The following GRID2 variants were observed in gnomAD, a reference collection of about 807,000 sequenced individuals.
The protein encoded by GRID2 is glutamate receptor ionotropic, delta-2.
Under a neutral mutation model 114.8 loss-of-function variants are expected in GRID2, and 33 were observed. The ratio of observed to expected loss-of-function variants is 0.29; its 90% CI spans 0.22 to 0.38. The LOEUF (loss-of-function observed/expected upper bound fraction) is 0.38. Among genes scored for constraint, GRID2 ranks in the 10% least tolerant of loss-of-function variants. The probability of loss-of-function intolerance (pLI) is 1.00; values close to 1 mark genes in which losing one functional copy is unlikely to be tolerated. For missense variants in GRID2, 1,184 were observed against 1,257.7 expected, an observed-to-expected ratio of 0.94 and a Z score of 0.89; for synonymous variants, 505 against 449.9, an observed-to-expected ratio of 1.12 and a Z score of -1.55.
At chr4:93,016,959 G>C (rs1467284551) in intron 2 of GRID2, among the ~76,000 whole-genome samples, 2 of 152,040 alleles carry the variant, frequency 1.3e-5, no homozygotes, top group African/African-American at 4.8e-5. Context: ...CTTCTGTCAC[G>C]TTTTGGGGTA....
intron 1 of GRID2, among the ~76,000 whole-genome samples, chr4:92,588,755 T>C (rs1728576381): frequency 6.7e-6 from 1 of 149,306 alleles, no homozygotes; most frequent in Admixed American, 6.7e-5. Context: ...ATTCAAAATA[T>C]ATAGGAAACA....
chr4:92,850,944 A>G (rs1743735987), intron 2 of GRID2, among the ~76,000 whole-genome samples: 1 of 151,932 alleles, frequency 6.6e-6, no homozygotes, highest in Non-Finnish European at 1.5e-5. Context: ...AGGCATTAAA[A>G]TCATTTCATT....
intron 3 of GRID2, among the ~76,000 whole-genome samples, chr4:93,088,795 G>A (rs777523123): frequency 9.9e-5 from 15 of 152,002 alleles, no homozygotes; most frequent in Non-Finnish European, 1.9e-4. Context: ...TTACAAATAG[G>A]GAGACAGGAA....
chr4:92,759,776 C>T (rs1000568316), intron 2 of GRID2, among the ~76,000 whole-genome samples: 9 of 149,924 alleles, frequency 6.0e-5, no homozygotes, highest in Middle Eastern at 3.4e-3. Flanking sequence ...GCTTTTTTTT[C>T]TTCTTCTTCT....
chr4:92,609,485 C>T (rs1729619355), intron 2 of GRID2, among the ~76,000 whole-genome samples: 1 of 151,068 alleles, frequency 6.6e-6, no homozygotes, highest in African/African-American at 2.4e-5. Context: ...TGGTGAGGTG[C>T]CATTTAAAAT....
At chr4:92,813,361 C>T (rs140197514) in intron 2 of GRID2, among the ~76,000 whole-genome samples, 9 of 152,194 alleles carry the variant, frequency 5.9e-5, no homozygotes, top group Non-Finnish European at 1.3e-4. Context: ...CCTCACACAG[C>T]AGAAAGAGAG....
chr4:93,748,050 A>G (rs1488489624), intron 14 of GRID2, among the ~76,000 whole-genome samples: 1 of 152,144 alleles, frequency 6.6e-6, no homozygotes, highest in Non-Finnish European at 1.5e-5. Context: ...AGGAAATTCG[A>G]TAAACATTTA....
At chr4:93,500,782 A>G (rs1203405165) in intron 12 of GRID2, among the ~76,000 whole-genome samples, 2 of 152,038 alleles carry the variant, frequency 1.3e-5, no homozygotes, top group Non-Finnish European at 2.9e-5. Flanking sequence ...GAGACTGGCA[A>G]GACCCCTGGG....
intron 4 of GRID2, among the ~76,000 whole-genome samples, chr4:93,205,211 G>GT (rs1742567978): frequency 1.3e-5 from 2 of 151,234 alleles, no homozygotes; most frequent in African/African-American, 4.9e-5. Context: ...CTGGTATAAA[G>GT]TGTTTTTTTT....
chr4:93,677,683 A>G (rs1369605978), intron 14 of GRID2, among the ~76,000 whole-genome samples: 1 of 152,110 alleles, frequency 6.6e-6, no homozygotes, highest in African/African-American at 2.4e-5. Context: ...TCTGGAGTGG[A>G]CCTCTAGCAA....
chr4:93,191,811 T>TTA (rs1741007977), intron 4 of GRID2, among the ~76,000 whole-genome samples: 1 of 152,164 alleles, frequency 6.6e-6, no homozygotes, highest in Admixed American at 6.6e-5. Context: ...TGCTTTTAAT[T>TTA]TACTCAAAAT....
At chr4:93,445,742 G>A (rs1164957751) in intron 10 of GRID2, among the ~76,000 whole-genome samples, 1 of 151,830 alleles carries the variant, frequency 6.6e-6, no homozygotes, top group Non-Finnish European at 1.5e-5. Context: ...TGTAAGCCCT[G>A]TCGAAATATT....
At chr4:93,069,340 A>G (rs1052336097) in intron 2 of GRID2, among the ~76,000 whole-genome samples, 1 of 151,906 alleles carries the variant, frequency 6.6e-6, no homozygotes, top group Non-Finnish European at 1.5e-5. Context: ...AATTGGTTTC[A>G]TTGTAAATGG....
chr4:93,804,794 T>G (rs1734999326), intron 1 of GRID2, among the ~76,000 whole-genome samples: 1 of 152,168 alleles, frequency 6.6e-6, no homozygotes, highest in South Asian at 2.1e-4. Flanking sequence ...AGCCATCCCA[T>G]AAAACCAGTC....
At chr4:93,441,744 A>G (rs1721638890) in intron 10 of GRID2, among the ~76,000 whole-genome samples, 2 of 151,978 alleles carry the variant, frequency 1.3e-5, no homozygotes, top group Non-Finnish European at 2.9e-5. Flanking sequence ...CTTGCCTGCC[A>G]TTTGGGTACT....
At chr4:93,718,304 C>T (rs1729080140) in intron 14 of GRID2, among the ~76,000 whole-genome samples, 2 of 152,106 alleles carry the variant, frequency 1.3e-5, no homozygotes, top group Non-Finnish European at 2.9e-5. Context: ...AAGGAAGAGA[C>T]ATACTCTAGA....
chr4:93,679,612 G>A (rs894237764), intron 14 of GRID2, among the ~76,000 whole-genome samples: 1 of 150,920 alleles, frequency 6.6e-6, no homozygotes, highest in African/African-American at 2.5e-5. Context: ...CTAGAACTCA[G>A]GATTAAGAAA....
intron 1 of GRID2, among the ~76,000 whole-genome samples, chr4:92,452,319 A>AT (rs374760682): frequency 2.1e-3 from 302 of 140,598 alleles, no homozygotes; most frequent in East Asian, 6.6e-3. Context: ...ATCTGTTTAG[A>AT]TTTTTTTTTT....
intron 9 of GRID2, among the ~76,000 whole-genome samples, chr4:93,414,685 TTATA>T (rs34416042): frequency 1.0e-4 from 14 of 140,492 alleles, no homozygotes; most frequent in Admixed American, 2.1e-4. Flanking sequence ...ATCTGACATT[TTATA>T]TATATATATA....
Sources: allele counts gnomAD v4.1 joint callset (sites outside exome capture counted in the v4.1 genomes callset), GRCh38; gene constraint gnomAD v4.1.1; transcripts MANE v1.5; gene names NCBI Gene and HGNC (gene_info 2026-07-23, HGNC 2026-07-21).